Variants in RECQL5 observed in about 807,000 individuals in gnomAD.
The protein encoded by RECQL5 is RecQ like helicase 5.
RECQL5 carries 88 observed loss-of-function variants against 103.4 expected under a neutral mutation model. The observed-to-expected ratio is 0.85, with a 90% CI of 0.72 to 1.02. RECQL5 has a LOEUF of 1.02. RECQL5 is among the 50% of genes least tolerant of loss of function. The probability of loss-of-function intolerance (pLI) is 0.00; values close to 1 mark genes in which losing one functional copy is unlikely to be tolerated. For missense variants in RECQL5, 1,232 were observed against 1,284.3 expected (o/e 0.96, Z 0.62); for synonymous variants, 552 against 507.9 (o/e 1.09, Z -1.17).
intron 7 of RECQL5, among the ~76,000 whole-genome samples, chr17:75,653,097 C>A (rs1376907580): frequency 6.6e-6 from 1 of 152,196 alleles, no homozygotes; most frequent in Non-Finnish European, 1.5e-5. Flanking sequence ...CCAGTCCCTG[C>A]CACATCCTCA....
At chr17:75,652,945 T>C (rs2059573670) in intron 7 of RECQL5, among the ~76,000 whole-genome samples, 1 of 152,126 alleles carries the variant, frequency 6.6e-6, no homozygotes, top group Non-Finnish European at 1.5e-5. Context: ...CCCCACACAA[T>C]ATAGTTTCCT....
At chr17:75,630,346 G>T (rs532391098) in intron 13 of RECQL5, 69 bp from the exon 14 acceptor site, 10 of 1,383,932 alleles carry the variant, frequency 7.2e-6, no homozygotes, top group Non-Finnish European at 9.8e-6. Flanking sequence ...AGCTCTTGCG[G>T]GACTCCAGGC....
chr17:75,642,332 G>A (rs750262187), intron 8 of RECQL5, among the ~76,000 whole-genome samples: 12 of 152,172 alleles, frequency 7.9e-5, no homozygotes, highest in African/African-American at 2.2e-4. Context: ...TGCGTGACCC[G>A]TGCTCTGGCC....
At chr17:75,627,936 G>A (rs1031081273) in intron 18 of RECQL5, among the ~76,000 whole-genome samples, 9 of 151,680 alleles carry the variant, frequency 5.9e-5, no homozygotes, top group African/African-American at 1.7e-4. Flanking sequence ...GGAGAATGGC[G>A]TGAACCCGGG....
In RECQL5 at chr17:75,661,049, T is replaced by C. The variant is rs1472245850; in HGVS notation, c.892A>G (p.Arg298Gly). ...AYHAGLKASE[R>G]TLVQNDWMEE... ...ATCCAGTCGTTCTGCACCAGCGTTC[T>C]TTCAGAGGCCTTCAGCCCTGTAAAG... The change falls in exon 6 of 20, where the codon AGA (arginine) becomes GGA (glycine). Residue 298 changes from arginine to glycine, a missense_variant. Physicochemically the swap from Arg to Gly is moderately radical, Grantham distance 125. Coordinates refer to ENST00000317905, the MANE Select transcript of RECQL5 (RefSeq NM_004259.7). 3 of 1,614,120 alleles carry C rather than the reference T, an allele frequency of 1.9e-6. No homozygotes were observed. The highest frequency in any genetic ancestry group is 1.7e-6 in the Non-Finnish European group (2 of 1,179,930).
chr17:75,631,782 G>A (rs187881208), intron 8 of RECQL5, 114 bp from the exon 9 acceptor site: 229 of 1,095,676 alleles, frequency 2.1e-4, no homozygotes, highest in Middle Eastern at 5.9e-4. Flanking sequence ...GCACCATGCC[G>A]GGAGCCCCAC....
Position 75,640,348 on chromosome 17 carries a change from A to C in RECQL5, c.1230-8680T>G. On this transcript the variant is annotated intron_variant, in intron 8 of 19. Coordinates refer to ENST00000317905, the MANE Select transcript of RECQL5 (RefSeq NM_004259.7). This position sits in a 1 kb window ranked among gnomAD's most constrained non-coding sequence, Gnocchi z 4.6. Reference sequence around the variant, plus strand: ...TCACAGGTTAGTTGGGGCACTCAGCACCCCATGGCTCTCCCTGGCATCTGG... The same window carrying C: ...TCACAGGTTAGTTGGGGCACTCAGCCCCCCATGGCTCTCCCTGGCATCTGG... The C allele has an allele frequency of 6.6e-7, 1 of 1,525,602 alleles. No individual in the cohort carries two copies. Among genetic ancestry groups the C allele is most frequent in the Non-Finnish European group, 8.8e-7 (1 of 1,131,838 alleles). 94.5% of individuals were successfully genotyped at this position (1,525,602 alleles called of 1,614,324 possible).
intron 2 of RECQL5, among the ~76,000 whole-genome samples, chr17:75,665,689 CAAAAAAA>C (rs1184942786): frequency 5.5e-4 from 35 of 63,426 alleles, no homozygotes; most frequent in East Asian, 1.5e-3. Context: ...GACTCTGTTT[CAAAAAAA>C]AAAAAAAAAA....
chr17:75,661,012 A>T lies in RECQL5; in HGVS notation c.929T>A (p.Val310Asp). ...ACTAATGGTTGCAACAATTACAGGG[A>T]CCTTCTCCTCCATCCAGTCGTTCTG... ...LVQNDWMEEK[V>D]PVIVATISFG... Residue 310 changes from valine to aspartate, a missense_variant, in exon 6 of 20, where the codon GTC becomes GAC. Val to Asp is a radical substitution (Grantham distance 152, BLOSUM62 -3). Transcript: ENST00000317905. 5 of 1,614,146 alleles carry T rather than the reference A, an allele frequency of 3.1e-6. No homozygotes were observed. The highest frequency in any genetic ancestry group is 4.2e-6 in the Non-Finnish European group (5 of 1,180,012).
In RECQL5 at chr17:75,634,339, G is replaced by A. The variant is rs1313145084; in HGVS notation, c.1230-2671C>T. On this transcript the variant is annotated intron_variant, in intron 8 of 19. Coordinates refer to ENST00000317905, the MANE Select transcript of RECQL5 (RefSeq NM_004259.7). The stretch of plus-strand genomic sequence containing the variant: ...ACATGCTGGGTCGCTTCCCTGCAGG[G>A]AAGTCAGCCAGCCTCCTGCACACAC... 4.8e-6 allele frequency: 4 copies of A among 827,098 alleles called. No homozygotes were observed. In the African/African-American group the frequency reaches 7.4e-5, roughly 15 times the overall value. The allele number at this position is 827,098 out of a possible 1,614,324, so 51.2% of individuals were successfully genotyped here.
chr17:75,630,594 T>C (rs370248013), intron 13 of RECQL5, 25 bp downstream of exon 13: 158 of 1,612,258 alleles, frequency 9.8e-5, no homozygotes, highest in Non-Finnish European at 1.2e-4. Flanking sequence ...GGAGTGCTCC[T>C]CAGCCCAGTG....
At chr17:75,663,122 A>G in intron 3 of RECQL5, 125 bp from the exon 4 acceptor site, 1 of 937,514 alleles carries the variant, frequency 1.1e-6, no homozygotes, top group South Asian at 1.7e-5. Context: ...TTCTCTTTGC[A>G]TAGAAGTAGT....
At chr17:75,662,410 A>T (rs1401561717) in intron 4 of RECQL5, 69 bp downstream of exon 4, 3 of 1,509,760 alleles carry the variant, frequency 2.0e-6, no homozygotes. Context: ...GTCTTAGACT[A>T]ATCTCCATCT....
At chr17:75,631,105 GGGCCACCAGGGGCCCCACACA>G in intron 10 of RECQL5, 24 bp downstream of exon 10, 1 of 1,609,790 alleles carries the variant, frequency 6.2e-7, no homozygotes, top group Non-Finnish European at 8.5e-7. Context: ...TGCGAGCAGG[GGGCCACCAGGGGCCCCACACA>G]GGCCACTGAG....
intron 6 of RECQL5, 32 bp downstream of exon 6, chr17:75,660,923 A>T: frequency 6.7e-7 from 1 of 1,502,918 alleles, no homozygotes. Flanking sequence ...CCAGGCCCAG[A>T]CCAGGAGGGC....
chr17:75,629,184 T>C lies in RECQL5; in HGVS notation c.2239A>G (p.Ser747Gly), dbSNP rs1192990904. Residue 747 changes from serine (S) to glycine (G), a missense_variant, in exon 16 of 20, where the codon AGC becomes GGC. By Grantham distance (56) the Ser-to-Gly change is moderately conservative. Coordinates refer to ENST00000317905, the MANE Select transcript of RECQL5 (RefSeq NM_004259.7). Reference protein sequence around the residue: ...GGSSLAKGRASKKQQLLATAA... With the variant: ...GGSSLAKGRAGKKQQLLATAA... Reference sequence around the variant, plus strand: ...GTGGCTAGGAGCTGCTGTTTCTTGCTAGCCCGGCCCTTGGCAAGGGAGCTG... The same window carrying C: ...GTGGCTAGGAGCTGCTGTTTCTTGCCAGCCCGGCCCTTGGCAAGGGAGCTG... The C allele has an allele frequency of 1.2e-6, 2 of 1,613,680 alleles. No individual in the cohort carries two copies. The highest frequency in any genetic ancestry group is 1.3e-5 in the African/African-American group (1 of 75,072).
chr17:75,655,528 T>G (rs1249643396), intron 7 of RECQL5, among the ~76,000 whole-genome samples: 2 of 152,104 alleles, frequency 1.3e-5, no homozygotes, highest in East Asian at 3.9e-4. Context: ...GACGCCCAGC[T>G]AATATTTTTG....
At chr17:75,665,865 C>T (rs767466778) in intron 2 of RECQL5, among the ~76,000 whole-genome samples, 2 of 152,272 alleles carry the variant, frequency 1.3e-5, no homozygotes, top group Non-Finnish European at 1.5e-5. Context: ...TTGCTGCTCG[C>T]CTCTTGGCAA....
rs34802834 is a variant in RECQL5, at chr17:75,628,979, G to C, written c.2444C>G (p.Ser815Trp). The change falls in exon 16 of 20, where the codon TCG becomes TGG. Residue 815 changes from serine (S) to tryptophan (W), a missense_variant. Ser to Trp is a radical substitution (Grantham distance 177). Coordinates refer to ENST00000317905, the MANE Select transcript of RECQL5 (RefSeq NM_004259.7). Reference sequence around the variant, plus strand: ...CTCCTCAGTCTGGGGAGGGGCAGGCGAATGTCCCCCGGCTCCATCTTCCTC... The same window carrying C: ...CTCCTCAGTCTGGGGAGGGGCAGGCCAATGTCCCCCGGCTCCATCTTCCTC... ...TGEEDGAGGH[S>W]PAPPQTEECL... is the part of the protein sequence containing the mutation. 9.0e-6 allele frequency: 14 copies of C among 1,564,240 alleles called. No homozygotes were observed. The highest frequency in any genetic ancestry group is 6.0e-5 in the Admixed American group (3 of 49,704).
Sources: allele counts gnomAD v4.1 joint callset (sites outside exome capture counted in the v4.1 genomes callset), GRCh38; gene constraint gnomAD v4.1.1; non-coding constraint Gnocchi (gnomAD v3.1); transcripts MANE v1.5; gene names NCBI Gene and HGNC (gene_info 2026-07-23, HGNC 2026-07-21).